PPP2R2B: variants seen among roughly 807,000 people sequenced by gnomAD.
PPP2R2B encodes the protein protein phosphatase 2 regulatory subunit Bbeta.
In PPP2R2B, 5 loss-of-function variants were observed where a neutral mutation model predicts 46.0. That is an observed-to-expected ratio of 0.11 (90% CI 0.06 to 0.23). The LOEUF (loss-of-function observed/expected upper bound fraction) is 0.23. PPP2R2B is among the 10% of genes least tolerant of loss of function. PPP2R2B has a pLI of 1.00. For missense variants in PPP2R2B, 367 were observed against 575.0 expected (o/e 0.64, Z 3.70); for synonymous variants, 215 against 206.7 (o/e 1.04, Z -0.34).
intron 2 of PPP2R2B, among the ~76,000 whole-genome samples, chr5:147,065,096 T>C (rs771498908): frequency 6.6e-6 from 1 of 152,196 alleles, no homozygotes. Context: ...GTAGCAGACA[T>C]GTTAGATATA....
At chr5:146,654,225 A>G (rs1007092991) in intron 5 of PPP2R2B, among the ~76,000 whole-genome samples, 5 of 152,100 alleles carry the variant, frequency 3.3e-5, no homozygotes, top group African/African-American at 9.7e-5. Context: ...TCAGTAACCA[A>G]CCTTCCAAGG....
Position 147,029,897 on chromosome 5 carries a change from C to CACA in PPP2R2B, c.79+25767_79+25768insTGT, listed in dbSNP as rs772989192. ...CTCTATTGTTGAAGCTACCCAGTCT[C>CACA]TGATATTCTGTTATGGCAGCCCCAG... is the stretch of plus-strand genomic sequence containing the variant. On this transcript the variant is annotated intron_variant, in intron 1 of 8. Transcript: ENST00000336640. Among the ~76,000 whole-genome samples, 516 of 152,306 alleles carry CACA rather than the reference C, an allele frequency of 3.4e-3. 1 individual carries two copies. Among genetic ancestry groups the CACA allele is most frequent in the Admixed American group, 5.2e-3 (80 of 15,294 alleles).
intron 6 of PPP2R2B, among the ~76,000 whole-genome samples, chr5:146,649,012 T>C (rs951575121): frequency 3.3e-5 from 5 of 152,200 alleles, no homozygotes; most frequent in African/African-American, 1.2e-4. Flanking sequence ...GAATGATATT[T>C]GAATTACATG....
intron 2 of PPP2R2B, among the ~76,000 whole-genome samples, chr5:146,846,646 C>T (rs190420876): frequency 3.3e-5 from 5 of 151,926 alleles, no homozygotes; most frequent in Non-Finnish European, 5.9e-5. Flanking sequence ...CCACTGCACT[C>T]GAGCCTGGGC....
intron 1 of PPP2R2B, among the ~76,000 whole-genome samples, chr5:146,997,567 A>T (rs1020114796): frequency 6.6e-6 from 1 of 152,148 alleles, no homozygotes; most frequent in Non-Finnish European, 1.5e-5. Context: ...TTTTTAACAA[A>T]CCCTGCAGTT....
chr5:146,600,209 G>A, intron 8 of PPP2R2B, 82 bp downstream of exon 8: 4 of 1,489,620 alleles, frequency 2.7e-6, no homozygotes, highest in Non-Finnish European at 3.7e-6. Context: ...TTGCTGCACT[G>A]TAAACCTTTG....
chr5:146,957,009 T>A (rs1385869656), intron 1 of PPP2R2B, among the ~76,000 whole-genome samples: 3 of 152,204 alleles, frequency 2.0e-5, no homozygotes, highest in Non-Finnish European at 2.9e-5. Flanking sequence ...AATTTTGGAA[T>A]ACATAAACAT....
chr5:146,683,829 C>T (rs1030567646), intron 5 of PPP2R2B, among the ~76,000 whole-genome samples: 1 of 152,104 alleles, frequency 6.6e-6, no homozygotes, highest in Non-Finnish European at 1.5e-5. Context: ...ATAATGATGG[C>T]AATCAATAAT....
intron 7 of PPP2R2B, among the ~76,000 whole-genome samples, chr5:146,628,381 C>T (rs1774203069): frequency 6.6e-6 from 1 of 152,208 alleles, no homozygotes; most frequent in African/African-American, 2.4e-5. Context: ...CCTTGGGCTG[C>T]AGACTTGCCA....
intron 2 of PPP2R2B, among the ~76,000 whole-genome samples, chr5:146,754,461 C>T (rs1414691166): frequency 6.6e-6 from 1 of 152,184 alleles, no homozygotes; most frequent in African/African-American, 2.4e-5. Context: ...TTTGCAGAAG[C>T]ATATGTGCAC....
At chr5:146,914,152 A>G (rs917936722) in intron 1 of PPP2R2B, 2 of 152,228 alleles carry the variant, frequency 1.3e-5, no homozygotes, top group East Asian at 3.8e-4. Context: ...GACATTCATT[A>G]TTTCAGAAAA....
chr5:146,870,333 AG>A (rs895883316), intron 2 of PPP2R2B, among the ~76,000 whole-genome samples: 4 of 152,178 alleles, frequency 2.6e-5, no homozygotes, highest in African/African-American at 9.7e-5. Context: ...AGATTAAATG[AG>A]GTCATAAGGA....
At chr5:146,974,568 A>G (rs936641465) in intron 1 of PPP2R2B, among the ~76,000 whole-genome samples, 2 of 152,204 alleles carry the variant, frequency 1.3e-5, no homozygotes, top group Admixed American at 6.5e-5. Context: ...AGGGTAAGTC[A>G]CATTCATCTT....
chr5:146,618,344 C>A (rs566840438), intron 7 of PPP2R2B, among the ~76,000 whole-genome samples: 1 of 152,292 alleles, frequency 6.6e-6, no homozygotes, highest in Non-Finnish European at 1.5e-5. Context: ...TAGCCATTCT[C>A]CCCTAGAGCC....
intron 1 of PPP2R2B, among the ~76,000 whole-genome samples, chr5:146,945,909 TG>T (rs1178453008): frequency 6.6e-6 from 1 of 152,146 alleles, no homozygotes; most frequent in Non-Finnish European, 1.5e-5. Flanking sequence ...CCCTGCCTAA[TG>T]GTCAGTGTGT....
chr5:146,816,808 C>G (rs1157783458), intron 2 of PPP2R2B, among the ~76,000 whole-genome samples: 1 of 152,200 alleles, frequency 6.6e-6, no homozygotes, highest in African/African-American at 2.4e-5. Context: ...AATCCATGTT[C>G]TAATTCCTTA....
Position 147,041,794 on chromosome 5 carries a change from C to T in PPP2R2B, c.79+13871G>A, listed in dbSNP as rs183958555. On this transcript the variant is annotated intron_variant, in intron 1 of 8. Transcript: ENST00000336640. ...CTTTTCTACCATAGCTTCATGGTGT[C>T]TAACACCTCAGTGACAAAGCTTTGT... is the stretch of plus-strand genomic sequence containing the variant. 2.5e-4 allele frequency among the ~76,000 whole-genome samples: 38 copies of T among 152,214 alleles called. No individual in the cohort carries two copies. The East Asian group carries it at 5.4e-3, about 22-fold the overall frequency.
intron 2 of PPP2R2B, among the ~76,000 whole-genome samples, chr5:146,731,057 G>A (rs965477835): frequency 6.6e-6 from 1 of 152,172 alleles, no homozygotes; most frequent in African/African-American, 2.4e-5. Flanking sequence ...GTATCTTCCT[G>A]CTGAAGCCAT....
chr5:147,060,100 G>A (rs1363442386), upstream of PPP2R2B, among the ~76,000 whole-genome samples: 1 of 152,064 alleles, frequency 6.6e-6, no homozygotes, highest in African/African-American at 2.4e-5. Flanking sequence ...TTACTTTTAA[G>A]TCAAAGCAAA....
Sources: gnomAD v4.1 joint callset for allele counts (sites outside exome capture counted in the v4.1 genomes callset) on GRCh38, gnomAD v4.1.1 for gene constraint, MANE v1.5 for transcripts, NCBI Gene and HGNC (gene_info 2026-07-23, HGNC 2026-07-21) for gene names.